The following NRK variants were observed in gnomAD, a reference collection of about 807,000 sequenced individuals.
The protein encoded by NRK is nik-related protein kinase.
Under a neutral mutation model 125.2 loss-of-function variants are expected in NRK, and 67 were observed. The observed-to-expected ratio is 0.54, with a 90% CI of 0.44 to 0.66. The LOEUF is 0.66. Ranked by LOEUF, NRK falls within the 30% of genes least tolerant of loss-of-function variation. The pLI, the probability that NRK is intolerant of heterozygous loss-of-function variation, is 0.00. For synonymous variants in NRK, 458 were observed against 429.0 expected (o/e 1.07, Z -0.84); for missense variants, 1,224 against 1,192.9 (o/e 1.03, Z -0.38).
chrX:105,931,621 C>T (rs989037139), intron 19 of NRK, among the ~76,000 whole-genome samples: 4 of 110,667 alleles, frequency 3.6e-5, no homozygotes, highest in African/African-American at 1.3e-4. Context: ...ACCTCACTTC[C>T]CTCTCTTTGC....
At chrX:105,826,236 T>C (rs2039098244) in intron 1 of NRK, among the ~76,000 whole-genome samples, 1 of 88,113 alleles carries the variant, frequency 1.1e-5, no homozygotes, top group African/African-American at 4.2e-5. Context: ...TATATTATCA[T>C]ATATAATATA....
chrX:105,878,132 C>A (rs1040014397), intron 2 of NRK, among the ~76,000 whole-genome samples: 2 of 110,415 alleles, frequency 1.8e-5, no homozygotes, highest in African/African-American at 6.6e-5. Context: ...TTTGTGCATA[C>A]AGATGTGGAA....
rs2040968342 is a variant in NRK, at chrX:105,955,715, A to G, written c.*115A>G. On this transcript the variant is annotated 3_prime_UTR_variant, in exon 29 of 29. Coordinates refer to ENST00000243300, the MANE Select transcript of NRK (RefSeq NM_198465.4). The stretch of plus-strand genomic sequence containing the variant: ...TTATTTTTAGTAAAGATTAAATCCA[A>G]AACTTTACTTTTAATGTAGCACAGA... 2 of 440,135 alleles carry G rather than the reference A, an allele frequency of 4.5e-6. No individual in the cohort carries two copies. The highest frequency in any genetic ancestry group is 3.7e-5 in the Admixed American group (1 of 26,769). The allele number at this position is 440,135 out of a possible 1,213,427, so 36.3% of individuals were successfully genotyped here. A position where few individuals can be genotyped will look rare whatever the true frequency, so the allele number is the denominator to read the frequency against.
intron 14 of NRK, among the ~76,000 whole-genome samples, chrX:105,915,218 G>A (rs1016139567): frequency 9.0e-6 from 1 of 110,657 alleles, no homozygotes; most frequent in African/African-American, 3.3e-5. Flanking sequence ...TGACTAGAGA[G>A]ATTTTAATGA....
chrX:105,952,198 C>T (rs1388934603), intron 27 of NRK, among the ~76,000 whole-genome samples: 1 of 111,991 alleles, frequency 8.9e-6, no homozygotes, highest in Non-Finnish European at 1.9e-5. Context: ...GTTTCCTAGA[C>T]TATTTTAATT....
intron 7 of NRK, among the ~76,000 whole-genome samples, chrX:105,898,243 G>A (rs1323256359): frequency 2.7e-5 from 3 of 111,699 alleles, no homozygotes; most frequent in Non-Finnish European, 5.6e-5. Context: ...TATAGTTCTG[G>A]TCTTCCTCCA....
intron 2 of NRK, among the ~76,000 whole-genome samples, chrX:105,872,146 AT>A (rs1462277300): frequency 1.8e-5 from 2 of 111,557 alleles, no homozygotes; most frequent in Admixed American, 9.5e-5. Context: ...ACTTAGGTGT[AT>A]CAAAACTTTG....
chrX:105,919,906 C>T (rs923660154), intron 16 of NRK, among the ~76,000 whole-genome samples: 6 of 107,884 alleles, frequency 5.6e-5, no homozygotes, highest in Non-Finnish European at 1.2e-4. Context: ...AATTAGATCC[C>T]ATTTGTCAAT....
chrX:105,881,638 A>T (rs2039885688), intron 3 of NRK, 70 bp from the exon 4 acceptor site: 1 of 580,110 alleles, frequency 1.7e-6, no homozygotes, highest in African/African-American at 2.2e-5. Context: ...AACGTAGCTT[A>T]AAGTACTTAA....
At chrX:105,888,661 C>T (rs1254231145) in intron 5 of NRK, among the ~76,000 whole-genome samples, 2 of 111,221 alleles carry the variant, frequency 1.8e-5, no homozygotes, top group Non-Finnish European at 3.8e-5. Context: ...CATTGACTCA[C>T]AGTTCCACAT....
At chrX:105,900,359 T>TA (rs2040142548) in intron 8 of NRK, among the ~76,000 whole-genome samples, 2 of 111,749 alleles carry the variant, frequency 1.8e-5, no homozygotes, top group Non-Finnish European at 3.8e-5. Context: ...AAAACGATAA[T>TA]ATCAATGCAT....
intron 1 of NRK, among the ~76,000 whole-genome samples, chrX:105,826,317 A>AG (rs1457729071): frequency 1.1e-5 from 1 of 86,964 alleles, no homozygotes; most frequent in Non-Finnish European, 2.1e-5. Flanking sequence ...GATAATATAT[A>AG]TTTCATATAT....
intron 2 of NRK, among the ~76,000 whole-genome samples, chrX:105,845,459 T>C (rs1241118319): frequency 9.0e-6 from 1 of 111,663 alleles, no homozygotes; most frequent in Non-Finnish European, 1.9e-5. Flanking sequence ...ATTTGGCAAA[T>C]AAAAATACAG....
At chrX:105,835,957 A>G (rs952650887) in intron 2 of NRK, among the ~76,000 whole-genome samples, 2 of 111,841 alleles carry the variant, frequency 1.8e-5, no homozygotes, top group African/African-American at 3.2e-5. Context: ...ATAAATATAT[A>G]CACCTATTAT....
chrX:105,859,436 A>T (rs1368098545), intron 2 of NRK, among the ~76,000 whole-genome samples: 1 of 111,992 alleles, frequency 8.9e-6, no homozygotes, highest in African/African-American at 3.2e-5. Flanking sequence ...GAAACCTGCC[A>T]GATAAGGTTC....
At chrX:105,902,306 G>A (rs915649797) in intron 9 of NRK, among the ~76,000 whole-genome samples, 3 of 111,232 alleles carry the variant, frequency 2.7e-5, no homozygotes, top group Non-Finnish European at 5.7e-5. Context: ...AGTAATTGGA[G>A]TAATACAACT....
chrX:105,864,703 G>A (rs1189813716), intron 2 of NRK, among the ~76,000 whole-genome samples: 2 of 111,598 alleles, frequency 1.8e-5, no homozygotes, highest in Non-Finnish European at 3.8e-5. Flanking sequence ...CTTTCTGTAA[G>A]GCAAGACTTG....
At chrX:105,883,883 T>C (rs973758702) in intron 4 of NRK, among the ~76,000 whole-genome samples, 3 of 113,098 alleles carry the variant, frequency 2.7e-5, no homozygotes, top group African/African-American at 9.6e-5. Context: ...AGCTAGTCCC[T>C]GTGGTTTGCT....
chrX:105,951,268 G>T (rs1462537266), intron 27 of NRK, among the ~76,000 whole-genome samples: 1 of 110,950 alleles, frequency 9.0e-6, no homozygotes, highest in East Asian at 2.8e-4. Context: ...ATAGGAAACT[G>T]AACAAACCCT....
Sources: gnomAD v4.1 joint callset for allele counts (sites outside exome capture counted in the v4.1 genomes callset) on GRCh38, gnomAD v4.1.1 for gene constraint, MANE v1.5 for transcripts, NCBI Gene and HGNC (gene_info 2026-07-23, HGNC 2026-07-21) for gene names.